The following OSR1 variants were observed in gnomAD, a reference collection of about 807,000 sequenced individuals.
OSR1 encodes odd-skipped related transcription factor 1.
In OSR1, 3 loss-of-function variants were observed where a neutral mutation model predicts 15.7. That is an observed-to-expected ratio of 0.19 (90% CI 0.09 to 0.50). The LOEUF (loss-of-function observed/expected upper bound fraction) is 0.50. OSR1 is among the 20% of genes least tolerant of loss of function. The probability of loss-of-function intolerance (pLI) is 0.97; values close to 1 mark genes in which losing one functional copy is unlikely to be tolerated. For synonymous variants in OSR1, 166 were observed against 152.7 expected (o/e 1.09, Z -0.64); for missense variants, 271 against 351.1 (o/e 0.77, Z 1.82).
In OSR1 at chr2:19,357,966, A is replaced by G. The variant is rs1009812439; in HGVS notation, c.-33+375T>C. The G allele has an allele frequency of 6.6e-6, 1 of 152,318 alleles. No individual in the cohort carries two copies. Among genetic ancestry groups the G allele is most frequent in the Non-Finnish European group, 1.5e-5 (1 of 68,088 alleles). 9.4% of individuals were successfully genotyped at this position (152,318 alleles called of 1,614,324 possible). On this transcript the variant is annotated intron_variant, in intron 1 of 2. Coordinates refer to ENST00000272223, the MANE Select transcript of OSR1 (RefSeq NM_145260.3). The surrounding 1 kb of genome is among the most constrained non-coding windows in gnomAD (Gnocchi z 5.0). ...GTCAACCTGGGCGTCAGCCAGAGCT[A>G]GGAGCGCGTCTCAGGAAAGTTTGTG...
At position 19,352,143 on chromosome 2, in the gene OSR1, C is replaced by T; in HGVS notation, c.*132G>A. 1 of 1,058,384 alleles carries T rather than the reference C, an allele frequency of 9.4e-7. No homozygotes were observed. The highest frequency in any genetic ancestry group is 1.6e-5 in the African/African-American group (1 of 62,436). The allele number at this position is 1,058,384 out of a possible 1,614,324, so 65.6% of individuals were successfully genotyped here. On this transcript the variant is annotated 3_prime_UTR_variant, in exon 3 of 3. Transcript: ENST00000272223. ...CTGAAGTGCCGCGTGCGCCAGGGAC[C>T]CAGGGGACAATGTTGGAGAGGTGGA...
rs915943338 is a variant in OSR1, at chr2:19,358,360, G to A, written c.-52C>T. The A allele has an allele frequency of 1.3e-5, 2 of 152,434 alleles. No homozygotes were observed. Among genetic ancestry groups the A allele is most frequent in the Non-Finnish European group, 2.9e-5 (2 of 68,212 alleles). The allele number at this position is 152,434 out of a possible 1,614,324, so 9.4% of individuals were successfully genotyped here. A position where few individuals can be genotyped will look rare whatever the true frequency, so the allele number is the denominator to read the frequency against. On this transcript the variant is annotated 5_prime_UTR_variant, in exon 1 of 3. Coordinates refer to ENST00000272223, the MANE Select transcript of OSR1 (RefSeq NM_145260.3). The stretch of plus-strand genomic sequence containing the variant: ...AATTACCTTGTTCCGCAGAGGTCCT[G>A]GGGCTGAGCACGTCTCTGGGGCTTT...
At chr2:19,350,357 T>C (rs953528681), downstream of OSR1, among the ~76,000 whole-genome samples, 6 of 152,218 alleles carry the variant, frequency 3.9e-5, no homozygotes, top group East Asian at 1.9e-4. Flanking sequence ...CAGTGCCCAG[T>C]TGGGTTCCCG....
At chr2:19,352,488 G>T in intron 2 of OSR1, 78 bp from the exon 3 acceptor site, 2 of 1,534,442 alleles carry the variant, frequency 1.3e-6, no homozygotes, top group East Asian at 2.3e-5. Context: ...CCCTCCCACT[G>T]CTGTGGGGCA....
rs989165104 is a variant in OSR1, at chr2:19,352,104, C to T, written c.*171G>A. On this transcript the variant is annotated 3_prime_UTR_variant, in exon 3 of 3. Transcript: ENST00000272223. ...GCAGCAGGGACGGTCGGGGTCGCGG[C>T]CCCGGGCGGGGCTCTGAAGTGCCGC... is the stretch of plus-strand genomic sequence containing the variant. 1.1e-5 allele frequency: 7 copies of T among 657,736 alleles called. No homozygotes were observed. The highest frequency in any genetic ancestry group is 1.7e-5 in the Non-Finnish European group (7 of 419,906). The allele number at this position is 657,736 out of a possible 1,614,324, so 40.7% of individuals were successfully genotyped here. A position where few individuals can be genotyped will look rare whatever the true frequency, so the allele number is the denominator to read the frequency against.
chr2:19,345,231 A>G, the OSR1 span, among the ~76,000 whole-genome samples: 1 of 152,078 alleles, frequency 6.6e-6, no homozygotes, highest in Non-Finnish European at 1.5e-5. Flanking sequence ...AGGTTGCGAA[A>G]ATTTTCTCCC....
intron 1 of OSR1, chr2:19,354,118 T>C (rs1253690171): frequency 6.2e-6 from 2 of 321,262 alleles, no homozygotes; most frequent in Admixed American, 8.8e-5. Flanking sequence ...GCCTACTGTA[T>C]GCAAGACACT....
At chr2:19,355,276 T>C (rs1339847174) in intron 1 of OSR1, 2 of 152,564 alleles carry the variant, frequency 1.3e-5, no homozygotes, top group African/African-American at 4.8e-5. Flanking sequence ...TTACCCTTCA[T>C]TACTCTCCTC....
downstream of OSR1, chr2:19,348,413 T>C (rs1022952266): frequency 1.3e-5 from 2 of 154,218 alleles, no homozygotes; most frequent in Non-Finnish European, 1.5e-5. Flanking sequence ...TCTGTGGACC[T>C]CATTCAAGCC....
downstream of OSR1, among the ~76,000 whole-genome samples, chr2:19,349,441 A>G (rs1664793803): frequency 6.6e-6 from 1 of 152,194 alleles, no homozygotes; most frequent in African/African-American, 2.4e-5. Context: ...GTTGCTGCGC[A>G]TCATCCTGTC....
downstream of OSR1, among the ~76,000 whole-genome samples, chr2:19,347,831 G>A (rs772175783): frequency 4.6e-5 from 7 of 152,236 alleles, no homozygotes; most frequent in Non-Finnish European, 8.8e-5. Context: ...CCAAGTCAAG[G>A]GCTCCAGCCC....
rs1294321894 is a variant in OSR1 at position 19,352,130 on chromosome 2, G to T, written c.*145C>A. ...CCCGGGCGGGGCTCTGAAGTGCCGC[G>T]TGCGCCAGGGACCCAGGGGACAATG... On this transcript the variant is annotated 3_prime_UTR_variant, in exon 3 of 3. Transcript: ENST00000272223. 4.4e-6 allele frequency: 4 copies of T among 908,602 alleles called. No homozygotes were observed. Among genetic ancestry groups the T allele is most frequent in the Non-Finnish European group, 6.3e-6 (4 of 633,612 alleles). The allele number at this position is 908,602 out of a possible 1,614,324, so 56.3% of individuals were successfully genotyped here.
rs555677148 is a variant in OSR1, at chr2:19,357,294, G to C, written c.-33+1047C>G. 5.3e-5 allele frequency among the ~76,000 whole-genome samples: 8 copies of C among 152,280 alleles called. No homozygotes were observed. The highest frequency in any genetic ancestry group is 1.2e-4 in the Non-Finnish European group (8 of 68,012). ...TTGTGAACCTGGGACACCTAGCCTT[G>C]CACGTGGTTTTGTTCCGCAGAGCCA... On this transcript the variant is annotated intron_variant, in intron 1 of 2. Transcript: ENST00000272223. The surrounding 1 kb of genome is among the most constrained non-coding windows in gnomAD (Gnocchi z 5.0).
At chr2:19,346,808 T>G (rs1008710232), downstream of OSR1, 1 of 152,230 alleles carries the variant, frequency 6.6e-6, no homozygotes, top group Non-Finnish European at 1.5e-5. Flanking sequence ...ACAAGGAAGC[T>G]TTCACTCTGC....
downstream of OSR1, among the ~76,000 whole-genome samples, chr2:19,350,696 C>T (rs536367712): frequency 2.6e-5 from 4 of 152,220 alleles, no homozygotes; most frequent in South Asian, 8.3e-4. Context: ...AGAGCCCCGG[C>T]GGCCTGGCTT....
rs372805387 is a variant in OSR1, at chr2:19,353,946, G to A, written c.-32-109C>T. The A allele has an allele frequency of 7.2e-4, 662 of 918,680 alleles. 13 individuals are homozygous for A. In the South Asian group the frequency reaches 0.011, roughly 16 times the overall value. 56.9% of individuals were successfully genotyped at this position (918,680 alleles called of 1,614,324 possible). On this transcript the variant is annotated intron_variant, in intron 1 of 2. Transcript: ENST00000272223. Reference sequence around the variant, plus strand: ...GCCACACCCTCTCCTCACACCCAGCGCAGGAGCTAAGAGTCTAAGACCCCA... The same window carrying A: ...GCCACACCCTCTCCTCACACCCAGCACAGGAGCTAAGAGTCTAAGACCCCA...
chr2:19,351,478 C>G (rs981429327), downstream of OSR1: 2 of 151,840 alleles, frequency 1.3e-5, no homozygotes, highest in African/African-American at 4.9e-5. Context: ...AATTACCCAT[C>G]CTGCAATGCC....
chr2:19,352,562 G>C, intron 2 of OSR1, 152 bp from the exon 3 acceptor site: 2 of 935,236 alleles, frequency 2.1e-6, no homozygotes, highest in Non-Finnish European at 3.2e-6. Context: ...ATGTTAATTG[G>C]GGATGGAGTG....
chr2:19,353,912 T>C (rs1054848785), intron 1 of OSR1, 75 bp from the exon 2 acceptor site: 15 of 1,249,316 alleles, frequency 1.2e-5, no homozygotes, highest in Middle Eastern at 2.8e-4. Context: ...CCTCCTGAAT[T>C]CCAGCCGAGC....
Sources: gnomAD v4.1 joint callset for allele counts (sites outside exome capture counted in the v4.1 genomes callset) on GRCh38, gnomAD v4.1.1 for gene constraint, Gnocchi (gnomAD v3.1) non-coding constraint, MANE v1.5 for transcripts, NCBI Gene and HGNC (gene_info 2026-07-23, HGNC 2026-07-21) for gene names.